The following FAM151A variants were observed in gnomAD, a reference collection of about 807,000 sequenced individuals.
FAM151A encodes the protein family with sequence similarity 151 member A, also known as protein FAM151A.
Under a neutral mutation model 40.4 loss-of-function variants are expected in FAM151A, and 41 were observed. The observed-to-expected ratio is 1.01, with a 90% CI of 0.79 to 1.32. The LOEUF (loss-of-function observed/expected upper bound fraction) is 1.32. Among genes scored for constraint, FAM151A ranks in the 40% most tolerant of loss-of-function variants. FAM151A has a pLI of 0.00. For synonymous variants in FAM151A, 337 were observed against 312.5 expected, an observed-to-expected ratio of 1.08 and a Z score of -0.83; for missense variants, 740 against 740.4, an observed-to-expected ratio of 1.00 and a Z score of 0.01.
At chr1:54,611,190 T>TG (rs1019234896) in intron 6 of FAM151A, among the ~76,000 whole-genome samples, 187 of 152,264 alleles carry the variant, frequency 1.2e-3, no homozygotes, top group African/African-American at 4.4e-3. Context: ...TCCCAGTACT[T>TG]TGGGAGGCCA....
In FAM151A at chr1:54,612,527, A is replaced by C. The variant is rs1644129524; in HGVS notation, c.759T>G (p.Ala253=). The C allele has an allele frequency of 1.2e-6, 2 of 1,613,914 alleles. No individual in the cohort carries two copies. Among genetic ancestry groups the C allele is most frequent in the Non-Finnish European group, 1.7e-6 (2 of 1,180,012 alleles). The change falls in exon 5 of 8, where the codon GCT becomes GCG. Residue 253 remains alanine (A), a synonymous_variant. Transcript: ENST00000302250. Reference sequence around the variant, plus strand: ...GCAGCCAGCTGAAGTGGGGCCAGGCAGCCCGCACCATGGAAGACCGTACAG... The same window carrying C: ...GCAGCCAGCTGAAGTGGGGCCAGGCCGCCCGCACCATGGAAGACCGTACAG... ...TFPVRSSMVR[A]AWPHFSWLLS... is the part of the protein sequence containing the mutation.
intron 3 of FAM151A, among the ~76,000 whole-genome samples, chr1:54,615,532 T>C (rs1569790280): frequency 6.6e-6 from 1 of 150,700 alleles, no homozygotes; most frequent in Non-Finnish European, 1.5e-5. Context: ...AGGAGGGAGG[T>C]CCTGGAGAGA....
At position 54,612,551 on chromosome 1, in the gene FAM151A, A is replaced by C. The variant is rs142570722; in HGVS notation, c.735T>G (p.Pro245=). 1.4e-5 allele frequency: 22 copies of C among 1,614,068 alleles called. No homozygotes were observed. The highest frequency in any genetic ancestry group is 3.3e-4 in the Middle Eastern group (2 of 6,062). Residue 245 remains proline (P), a synonymous_variant, in exon 5 of 8, where the codon CCT becomes CCG. Coordinates refer to ENST00000302250, the MANE Select transcript of FAM151A (RefSeq NM_176782.3). ...VGGVPQRVTF[P]VRSSMVRAAW... Reference sequence around the variant, plus strand: ...CAGCCCGCACCATGGAAGACCGTACAGGGAAGGTGACCCTCTGGGGCACTC... The same window carrying C: ...CAGCCCGCACCATGGAAGACCGTACCGGGAAGGTGACCCTCTGGGGCACTC...
At chr1:54,623,253 G>T in intron 1 of FAM151A, 25 bp downstream of exon 1, 1 of 1,542,450 alleles carries the variant, frequency 6.5e-7, no homozygotes, top group Non-Finnish European at 9.0e-7. Flanking sequence ...AAGCCACTCA[G>T]GATGACATGG....
rs569444564 is a variant in FAM151A at position 54,609,696 on chromosome 1, C to T, written c.1330G>A (p.Gly444Arg). ...LGLLHWPVWV[G>R]AKISHGSFSV... ...AAACTCCCGTGGGAGATTTTGGCCCCAACCCACACAGGCCAATGCAAGAGG... is the reference window on the plus strand; with the variant it reads ...AAACTCCCGTGGGAGATTTTGGCCCTAACCCACACAGGCCAATGCAAGAGG... The change falls in exon 8 of 8, where the codon GGG becomes AGG. Residue 444 changes from glycine to arginine, a missense_variant. Physicochemically the swap from Gly to Arg is moderately radical, Grantham distance 125 (BLOSUM62 -2). Coordinates refer to ENST00000302250, the MANE Select transcript of FAM151A (RefSeq NM_176782.3). 1.9e-6 allele frequency: 3 copies of T among 1,614,074 alleles called. No homozygotes were observed. The highest frequency in any genetic ancestry group is 2.7e-5 in the African/African-American group (2 of 75,070).
Position 54,609,673 on chromosome 1 carries a change from A to G in FAM151A, c.1353T>C (p.Ser451=). 6.2e-7 allele frequency: 1 copy of G among 1,613,212 alleles called. No homozygotes were observed. The change falls in exon 8 of 8, where the codon AGT becomes AGC. Residue 451 remains serine, a synonymous_variant. Transcript: ENST00000302250. Reference sequence around the variant, plus strand: ...CAGCCACATGGCCGGGGACCGAAAAACTCCCGTGGGAGATTTTGGCCCCAA... The same window carrying G: ...CAGCCACATGGCCGGGGACCGAAAAGCTCCCGTGGGAGATTTTGGCCCCAA... The part of the protein sequence containing the change: ...VWVGAKISHG[S]FSVPGHVAGR...
rs2101012463 is a variant in FAM151A, at chr1:54,609,919, CAG to C, written c.1105_1106del (p.Leu369GlufsTer10). ...TLPDTEGMIL[L>X]NTGLEGTVAE... ...CCACAGTTCCCTCGAGGCCAGTGTT[CAG>C]CAGGATCATGCCTTCTGTGTCTGGA... On this transcript the variant is annotated frameshift_variant, in exon 8 of 8. Transcript: ENST00000302250. LOFTEE classifies it low-confidence loss of function (END_TRUNC). 6.2e-7 allele frequency: 1 copy of C among 1,607,434 alleles called. No individual in the cohort carries two copies. The highest frequency in any genetic ancestry group is 1.3e-5 in the African/African-American group (1 of 75,066).
intron 2 of FAM151A, among the ~76,000 whole-genome samples, chr1:54,619,418 A>G (rs1257869266): frequency 6.6e-6 from 1 of 151,984 alleles, no homozygotes; most frequent in African/African-American, 2.4e-5. Context: ...CTGAGCCTCT[A>G]TTTTTCTCCT....
chr1:54,613,993 C>A (rs1644145007), intron 4 of FAM151A, among the ~76,000 whole-genome samples: 1 of 152,168 alleles, frequency 6.6e-6, no homozygotes, highest in Non-Finnish European at 1.5e-5. Flanking sequence ...TACTACCTAC[C>A]TCATTCTCAT....
chr1:54,612,592 GCAT>G lies in FAM151A; in HGVS notation c.691_693del (p.Met231del). On this transcript the variant is annotated inframe_deletion, in exon 5 of 8. Transcript: ENST00000302250. The stretch of plus-strand genomic sequence containing the variant: ...TGGGGCACTCCTCCCACCAGCTCGT[GCAT>G]CTTCTCCACCATGGCTTGGGTGTAC... 6.2e-7 allele frequency: 1 copy of G among 1,614,116 alleles called. No individual in the cohort carries two copies. The highest frequency in any genetic ancestry group is 8.5e-7 in the Non-Finnish European group (1 of 1,180,004).
At chr1:54,611,336 G>C (rs1644115814) in intron 6 of FAM151A, among the ~76,000 whole-genome samples, 1 of 152,104 alleles carries the variant, frequency 6.6e-6, no homozygotes, top group South Asian at 2.1e-4. Context: ...GGAGGCGGAG[G>C]TTACAGGGAG....
rs144775621 is a variant in FAM151A at position 54,618,279 on chromosome 1, G to A, written c.262+1585C>T. Among the ~76,000 whole-genome samples, 320 of 152,242 alleles carry A rather than the reference G, an allele frequency of 2.1e-3. 2 individuals are homozygous for A. Among genetic ancestry groups the A allele is most frequent in the Middle Eastern group, 0.01 (3 of 294 alleles). On this transcript the variant is annotated intron_variant, in intron 2 of 7. Coordinates refer to ENST00000302250, the MANE Select transcript of FAM151A (RefSeq NM_176782.3). ...AGCACTTTGGGAGCCCGAGAAGGGC[G>A]GATCACTTGAGTTTAGGAGTTCGAG...
At chr1:54,615,246 A>G (rs1485344280) in intron 3 of FAM151A, among the ~76,000 whole-genome samples, 6 of 152,146 alleles carry the variant, frequency 3.9e-5, no homozygotes, top group African/African-American at 1.4e-4. Context: ...TCAGCCTCCA[A>G]GAAGGTGCAT....
chr1:54,616,245 T>C, intron 2 of FAM151A, 73 bp from the exon 3 acceptor site: 1 of 1,296,544 alleles, frequency 7.7e-7, no homozygotes, highest in Middle Eastern at 2.0e-4. Context: ...CATAAAAGCA[T>C]TACAAATTAC....
rs1489221862 is a variant in FAM151A, at chr1:54,611,640, A to G, written c.906T>C (p.Phe302=). The change falls in exon 6 of 8, where the codon TTT becomes TTC. Residue 302 remains phenylalanine, a synonymous_variant. Coordinates refer to ENST00000302250, the MANE Select transcript of FAM151A (RefSeq NM_176782.3). Reference sequence around the variant, plus strand: ...GCTTGAACTGTGACAGGAGAGGCTCAAAGATGTCATAGTAGACTTGGTGGA... The same window carrying G: ...GCTTGAACTGTGACAGGAGAGGCTCGAAGATGTCATAGTAGACTTGGTGGA... ...TAVHQVYYDI[F]EPLLSQFKQL... 1 of 1,613,880 alleles carries G rather than the reference A, an allele frequency of 6.2e-7. No homozygotes were observed. The highest frequency in any genetic ancestry group is 1.3e-5 in the African/African-American group (1 of 74,876).
intron 3 of FAM151A, 104 bp from the exon 4 acceptor site, chr1:54,614,963 T>TGTGCAC: frequency 8.8e-7 from 1 of 1,134,122 alleles, no homozygotes; most frequent in Non-Finnish European, 1.3e-6. Flanking sequence ...TGCATGTGCG[T>TGTGCAC]GCACAGTGGA....
At position 54,616,074 on chromosome 1, in the gene FAM151A, T is replaced by C. The variant is rs760662505; in HGVS notation, c.361A>G (p.Ser121Gly). ...PIMAHPPTIY[S>G]DNTLEQWLDA... Reference sequence around the variant, plus strand: ...AGCCACTGCTCCAGTGTGTTGTCACTGTAGATAGTGGGGGGGTGTGCCATG... The same window carrying C: ...AGCCACTGCTCCAGTGTGTTGTCACCGTAGATAGTGGGGGGGTGTGCCATG... Residue 121 changes from serine (S) to glycine (G), a missense_variant, in exon 3 of 8, where the codon AGT (serine) becomes GGT (glycine). By Grantham distance (56) the Ser-to-Gly change is moderately conservative (BLOSUM62 0). Coordinates refer to ENST00000302250, the MANE Select transcript of FAM151A (RefSeq NM_176782.3). The C allele has an allele frequency of 2.5e-6, 4 of 1,614,142 alleles. No individual in the cohort carries two copies. The Admixed American group carries it at 5.0e-5, about 20-fold the overall frequency.
rs114296065 is a variant in FAM151A, at chr1:54,620,246, G to A, written c.119-239C>T. ...GGAAAGGGGGCAGGTTCACAGAGAA[G>A]GGAACACTTAAGGAAGACCTTGAAG... is the stretch of plus-strand genomic sequence containing the variant. On this transcript the variant is annotated intron_variant, in intron 1 of 7. Transcript: ENST00000302250. 9.1e-4 allele frequency among the ~76,000 whole-genome samples: 139 copies of A among 152,312 alleles called. 1 individual carries two copies. Among genetic ancestry groups the A allele is most frequent in the Middle Eastern group, 3.4e-3 (1 of 294 alleles).
At position 54,611,102 on chromosome 1, in the gene FAM151A, TGTTTCTCTATAAAATGGAATCCCTCA is replaced by T. The variant is rs1447347173; in HGVS notation, c.940+478_940+503del. 6 of 834,536 alleles carry T rather than the reference TGTTTCTCTATAAAATGGAATCCCTCA, an allele frequency of 7.2e-6. No homozygotes were observed. The African/African-American group carries it at 7.4e-5, about 10-fold the overall frequency. The allele number at this position is 834,536 out of a possible 1,614,324, so 51.7% of individuals were successfully genotyped here. A position where few individuals can be genotyped will look rare whatever the true frequency, so the allele number is the denominator to read the frequency against. ...AAATTCCTGAACTGTTTTGAGCCGC[TGTTTCTCTATAAAATGGAATCCCTCA>T]GTTTCTCTATAAAATGAATGTGTGG... On this transcript the variant is annotated intron_variant, in intron 6 of 7. Transcript: ENST00000302250.
Sources: allele counts gnomAD v4.1 joint callset (sites outside exome capture counted in the v4.1 genomes callset), GRCh38; gene constraint gnomAD v4.1.1; transcripts MANE v1.5; gene names NCBI Gene and HGNC (gene_info 2026-07-23, HGNC 2026-07-21).